EYA2: variants seen among roughly 807,000 people sequenced by gnomAD.
EYA2 encodes the protein protein phosphatase EYA2.
EYA2 carries 31 observed loss-of-function variants against 69.2 expected under a neutral mutation model. That is an observed-to-expected ratio of 0.45 (90% CI 0.34 to 0.60). EYA2 has a LOEUF of 0.60. EYA2 is among the 20% of genes least tolerant of loss of function. EYA2 has a pLI of 0.02. For synonymous variants in EYA2, 257 were observed against 279.4 expected, an observed-to-expected ratio of 0.92 and a Z score of 0.80; for missense variants, 622 against 701.2, an observed-to-expected ratio of 0.89 and a Z score of 1.28.
chr20:46,917,036 T>C (rs1203284781), intron 1 of EYA2, among the ~76,000 whole-genome samples: 1 of 152,198 alleles, frequency 6.6e-6, no homozygotes, highest in Non-Finnish European at 1.5e-5. Flanking sequence ...TTAAATGATA[T>C]AGTTTGTGGA....
intron 5 of EYA2, among the ~76,000 whole-genome samples, chr20:47,039,894 G>A (rs1377993767): frequency 7.3e-6 from 1 of 137,280 alleles, no homozygotes; most frequent in East Asian, 2.2e-4. Context: ...AGGCTGGAGT[G>A]CAATGGTGCG....
intron 1 of EYA2, among the ~76,000 whole-genome samples, chr20:46,941,713 C>CT (rs1986161754): frequency 6.6e-6 from 1 of 152,036 alleles, no homozygotes; most frequent in Non-Finnish European, 1.5e-5. Context: ...TTATAAAGGC[C>CT]TTTGGAGCTT....
intron 4 of EYA2, among the ~76,000 whole-genome samples, chr20:47,013,988 A>G (rs1983246847): frequency 6.6e-6 from 1 of 152,230 alleles, no homozygotes; most frequent in Non-Finnish European, 1.5e-5. Context: ...ACCCCAGTCC[A>G]ATGGATTGGC....
intron 7 of EYA2, among the ~76,000 whole-genome samples, chr20:47,080,032 A>G (rs944194872): frequency 1.3e-5 from 2 of 152,244 alleles, no homozygotes; most frequent in Non-Finnish European, 2.9e-5. Context: ...CAGCAAATAC[A>G]CATTCTTTTC....
intron 9 of EYA2, among the ~76,000 whole-genome samples, chr20:47,119,337 C>CGAAA (rs2032986253): frequency 6.6e-6 from 1 of 152,204 alleles, no homozygotes; most frequent in Admixed American, 6.5e-5. Context: ...CGTGAACTTT[C>CGAAA]AGGCCCCTCC....
At chr20:46,921,545 A>G (rs1172957946) in intron 1 of EYA2, among the ~76,000 whole-genome samples, 2 of 152,160 alleles carry the variant, frequency 1.3e-5, no homozygotes, top group South Asian at 2.1e-4. Context: ...ACAACATGCT[A>G]TGCCTCTGCC....
chr20:47,122,299 T>G (rs1456490475), intron 9 of EYA2, among the ~76,000 whole-genome samples: 3 of 147,030 alleles, frequency 2.0e-5, no homozygotes, highest in African/African-American at 5.1e-5. Context: ...GTTTTTTTTT[T>G]TTTTTTTTTT....
In EYA2 at chr20:47,143,023, C is replaced by T. The variant is rs3818915; in HGVS notation, c.889-36C>T. ...AGGGTAGCTAAGATTCCTCAGGCTC[C>T]GCGTGCATGTGATTTTCCCCTTCTC... On this transcript the variant is annotated intron_variant, in intron 9 of 15. Transcript: ENST00000327619. 3.9e-3 allele frequency: 6,190 copies of T among 1,590,062 alleles called. 314 individuals carry two copies. The East Asian group carries it at 0.11, about 27-fold the overall frequency.
At chr20:47,111,442 G>A (rs1252093634) in intron 9 of EYA2, among the ~76,000 whole-genome samples, 1 of 152,214 alleles carries the variant, frequency 6.6e-6, no homozygotes, top group Non-Finnish European at 1.5e-5. Flanking sequence ...TGCAGGGTCA[G>A]CTGGCAGATC....
intron 5 of EYA2, among the ~76,000 whole-genome samples, chr20:47,024,332 A>G (rs1052346508): frequency 6.6e-6 from 1 of 152,142 alleles, no homozygotes; most frequent in Non-Finnish European, 1.5e-5. Context: ...TTTTCCCACT[A>G]CTGAGGCAAA....
intron 9 of EYA2, among the ~76,000 whole-genome samples, chr20:47,134,761 A>G (rs909652585): frequency 8.5e-5 from 13 of 152,230 alleles, no homozygotes; most frequent in African/African-American, 2.9e-4. Flanking sequence ...CCATTGTACC[A>G]TGAAAACAGC....
At chr20:47,158,537 T>C (rs776919638) in intron 10 of EYA2, among the ~76,000 whole-genome samples, 6 of 148,690 alleles carry the variant, frequency 4.0e-5, no homozygotes, top group Non-Finnish European at 7.4e-5. Flanking sequence ...AAAAGGAAAC[T>C]GAAGACCTTG....
chr20:46,982,874 A>G (rs1980929775), intron 1 of EYA2, among the ~76,000 whole-genome samples: 1 of 151,652 alleles, frequency 6.6e-6, no homozygotes, highest in African/African-American at 2.4e-5. Flanking sequence ...CCTGGGTTCA[A>G]GCAATTCTCC....
rs573094665 is a variant in EYA2, at chr20:47,187,753, A to G, written c.1537-300A>G. The stretch of plus-strand genomic sequence containing the variant: ...CTTTCCCATTGTGCAATTTAACACC[A>G]TGTCAGTGCACCGCCTAAGACCACG... On this transcript the variant is annotated intron_variant, in intron 15 of 15. Coordinates refer to ENST00000327619, the MANE Select transcript of EYA2 (RefSeq NM_005244.5). Among the ~76,000 whole-genome samples the G allele has an allele frequency of 7.9e-5, 12 of 152,374 alleles. No homozygotes were observed. The East Asian group carries it at 2.1e-3, about 27-fold the overall frequency.
At chr20:47,068,247 A>G (rs1465666827) in intron 5 of EYA2, among the ~76,000 whole-genome samples, 2 of 152,356 alleles carry the variant, frequency 1.3e-5, no homozygotes, top group African/African-American at 4.8e-5. Context: ...CAATAATCTC[A>G]GTGGAATGAA....
intron 1 of EYA2, among the ~76,000 whole-genome samples, chr20:46,945,460 G>C (rs1409193246): frequency 6.6e-6 from 1 of 152,208 alleles, no homozygotes; most frequent in Non-Finnish European, 1.5e-5. Flanking sequence ...CTGTGAAAAA[G>C]GAATGAATTT....
At chr20:47,107,739 GA>G (rs2146535396) in intron 9 of EYA2, among the ~76,000 whole-genome samples, 1 of 146,328 alleles carries the variant, frequency 6.8e-6, no homozygotes, top group South Asian at 2.2e-4. Flanking sequence ...AAAAGAAAAA[GA>G]AGAAGAGAGA....
chr20:47,141,903 G>A (rs1378387766), intron 9 of EYA2, among the ~76,000 whole-genome samples: 1 of 152,162 alleles, frequency 6.6e-6, no homozygotes. Flanking sequence ...CAAGAAGTAT[G>A]TTTTTTCAGT....
Position 47,028,935 on chromosome 20 carries a change from TA to T in EYA2, c.415+12647del, listed in dbSNP as rs550136462. Among the ~76,000 whole-genome samples, 197 of 149,064 alleles carry T rather than the reference TA, an allele frequency of 1.3e-3. 1 individual carries two copies. The highest frequency in any genetic ancestry group is 4.4e-3 in the African/African-American group (172 of 39,258). On this transcript the variant is annotated intron_variant, in intron 5 of 15. Transcript: ENST00000327619. ...GCCATAGATTATTCAAAATTTAAATTAAAAAAAAACAAATGCCAGAAATCTT... is the reference window on the plus strand; with the variant it reads ...GCCATAGATTATTCAAAATTTAAATTAAAAAAAACAAATGCCAGAAATCTT...
Sources: allele counts gnomAD v4.1 joint callset (sites outside exome capture counted in the v4.1 genomes callset), GRCh38; gene constraint gnomAD v4.1.1; transcripts MANE v1.5; gene names NCBI Gene and HGNC (gene_info 2026-07-23, HGNC 2026-07-21).